The following UNC5C variants were observed in gnomAD, a reference collection of about 807,000 sequenced individuals.
UNC5C encodes the protein unc-5 netrin receptor C, also known as netrin receptor UNC5C.
Under a neutral mutation model 99.8 loss-of-function variants are expected in UNC5C, and 47 were observed. The observed-to-expected ratio is 0.47, with a 90% confidence interval of 0.37 to 0.60. UNC5C has a LOEUF of 0.60. UNC5C is among the 20% of genes least tolerant of loss of function. UNC5C has a pLI of 0.00. For missense variants in UNC5C, 1,062 were observed against 1,165.9 expected (o/e 0.91, Z 1.30); for synonymous variants, 487 against 452.2 (o/e 1.08, Z -0.98).
At chr4:95,181,829 T>C (rs992055826) in intron 14 of UNC5C, among the ~76,000 whole-genome samples, 1 of 152,202 alleles carries the variant, frequency 6.6e-6, no homozygotes, top group Non-Finnish European at 1.5e-5. Context: ...CTCGGTTTGC[T>C]AAGGAAGATG....
At chr4:95,191,507 C>A (rs1022336536) in intron 12 of UNC5C, among the ~76,000 whole-genome samples, 5 of 151,958 alleles carry the variant, frequency 3.3e-5, no homozygotes, top group Admixed American at 2.0e-4. Flanking sequence ...GTGCTCCGGA[C>A]CCTGGCTTTG....
chr4:95,485,959 G>A (rs1210435449), intron 1 of UNC5C, among the ~76,000 whole-genome samples: 2 of 151,610 alleles, frequency 1.3e-5, no homozygotes, highest in East Asian at 3.9e-4. Flanking sequence ...ATCAAAAAAA[G>A]TTGCATGACA....
At chr4:95,210,917 G>A (rs1030157643) in intron 10 of UNC5C, among the ~76,000 whole-genome samples, 1 of 152,212 alleles carries the variant, frequency 6.6e-6, no homozygotes, top group Admixed American at 6.5e-5. Context: ...GTATGGCAGT[G>A]TATGTCTATT....
At chr4:95,342,203 C>T (rs1743604976) in intron 1 of UNC5C, among the ~76,000 whole-genome samples, 1 of 152,104 alleles carries the variant, frequency 6.6e-6, no homozygotes, top group African/African-American at 2.4e-5. Context: ...GCTTGTGCCA[C>T]CCCTCCCCTA....
At chr4:95,414,837 G>A (rs950615551) in intron 1 of UNC5C, among the ~76,000 whole-genome samples, 7 of 152,118 alleles carry the variant, frequency 4.6e-5, no homozygotes. Flanking sequence ...TTTCTTCAAG[G>A]AGGTTATACA....
chr4:95,513,277 C>A (rs903795703), intron 1 of UNC5C, among the ~76,000 whole-genome samples: 33 of 152,178 alleles, frequency 2.2e-4, no homozygotes, highest in African/African-American at 8.0e-4. Context: ...TTACATCTTG[C>A]AATGGGAGCA....
intron 1 of UNC5C, among the ~76,000 whole-genome samples, chr4:95,355,758 C>T (rs1376689557): frequency 2.6e-5 from 4 of 151,980 alleles, no homozygotes; most frequent in South Asian, 2.1e-4. Flanking sequence ...AAATAAAAGA[C>T]GAGGTTTGCT....
At chr4:95,500,676 T>C (rs1721754555) in intron 1 of UNC5C, among the ~76,000 whole-genome samples, 1 of 152,160 alleles carries the variant, frequency 6.6e-6, no homozygotes, top group African/African-American at 2.4e-5. Flanking sequence ...AGGAACATGT[T>C]GTAATTTATA....
chr4:95,254,830 A>G (rs563967446), intron 4 of UNC5C, among the ~76,000 whole-genome samples: 4 of 152,194 alleles, frequency 2.6e-5, no homozygotes, highest in African/African-American at 9.6e-5. Flanking sequence ...AGCACCTACA[A>G]TCTATTGAAT....
chr4:95,359,661 C>T (rs1385659739), intron 1 of UNC5C, among the ~76,000 whole-genome samples: 2 of 151,960 alleles, frequency 1.3e-5, no homozygotes. Flanking sequence ...CAAGACTATC[C>T]ATCTGTTTAA....
At chr4:95,460,526 A>G (rs1747569565) in intron 1 of UNC5C, among the ~76,000 whole-genome samples, 1 of 152,070 alleles carries the variant, frequency 6.6e-6, no homozygotes, top group African/African-American at 2.4e-5. Context: ...AATAAGTCCC[A>G]CGAGATCTGA....
chr4:95,446,436 T>G (rs183821410), intron 1 of UNC5C, among the ~76,000 whole-genome samples: 1 of 152,272 alleles, frequency 6.6e-6, no homozygotes, highest in African/African-American at 2.4e-5. Context: ...CTCATAATGA[T>G]GATTATTTAG....
intron 3 of UNC5C, among the ~76,000 whole-genome samples, chr4:95,282,992 G>T (rs1385174996): frequency 6.6e-6 from 1 of 152,224 alleles, no homozygotes; most frequent in Non-Finnish European, 1.5e-5. Flanking sequence ...GCAGGAGAAG[G>T]TCAGAGAAAA....
chr4:95,548,697 A>G, intron 1 of UNC5C, 37 bp downstream of exon 1: 1 of 1,608,136 alleles, frequency 6.2e-7, no homozygotes, highest in Non-Finnish European at 8.5e-7. Context: ...GGAAGAAGCT[A>G]AGGGAGGTGG....
chr4:95,524,256 G>A (rs1015427726), intron 1 of UNC5C, among the ~76,000 whole-genome samples: 17 of 152,182 alleles, frequency 1.1e-4, no homozygotes, highest in Non-Finnish European at 2.2e-4. Context: ...AGCTAAGTTT[G>A]ACTTTGGTAC....
chr4:95,296,095 C>A (rs1177632464), intron 3 of UNC5C, among the ~76,000 whole-genome samples: 1 of 152,148 alleles, frequency 6.6e-6, no homozygotes, highest in Non-Finnish European at 1.5e-5. Context: ...CAAAAAATAA[C>A]AAAAACCAAA....
chr4:95,241,551 G>A (rs899374946), intron 7 of UNC5C, among the ~76,000 whole-genome samples: 3 of 152,176 alleles, frequency 2.0e-5, no homozygotes, highest in African/African-American at 7.2e-5. Flanking sequence ...AATGTGTAAT[G>A]TATTATGAGA....
At chr4:95,304,643 C>T (rs1741991239) in intron 2 of UNC5C, among the ~76,000 whole-genome samples, 1 of 152,090 alleles carries the variant, frequency 6.6e-6, no homozygotes, top group Non-Finnish European at 1.5e-5. Context: ...ATTCCCTCTT[C>T]ATGGGGAAAT....
intron 4 of UNC5C, among the ~76,000 whole-genome samples, chr4:95,267,949 A>AT (rs869293955): frequency 0.045 from 5,327 of 117,504 alleles, 540 homozygotes; most frequent in African/African-American, 0.13. Context: ...GAATTTTGTG[A>AT]TTTTTTTTTT....
Sources: gnomAD v4.1 joint callset for allele counts (sites outside exome capture counted in the v4.1 genomes callset) on GRCh38, gnomAD v4.1.1 for gene constraint, MANE v1.5 for transcripts, NCBI Gene and HGNC (gene_info 2026-07-23, HGNC 2026-07-21) for gene names.